Variants in GRID2 observed in about 807,000 individuals in gnomAD.
The protein encoded by GRID2 is glutamate receptor ionotropic, delta-2.
A neutral mutation model predicts 114.8 loss-of-function variants in GRID2; 33 were observed. The ratio of observed to expected loss-of-function variants is 0.29; its 90% confidence interval spans 0.22 to 0.38. The LOEUF is 0.38. Ranked by LOEUF, GRID2 falls within the 10% of genes least tolerant of loss-of-function variation. The pLI, the probability that GRID2 is intolerant of heterozygous loss-of-function variation, is 1.00. For missense variants in GRID2, 1,184 were observed against 1,257.7 expected (o/e 0.94, Z 0.89); for synonymous variants, 505 against 449.9 (o/e 1.12, Z -1.55).
intron 14 of GRID2, among the ~76,000 whole-genome samples, chr4:93,726,592 C>T (rs529454382): frequency 1.2e-4 from 19 of 152,226 alleles, no homozygotes; most frequent in East Asian, 5.8e-4. Flanking sequence ...GCCATTTTCA[C>T]GATATTGATT....
intron 1 of GRID2, among the ~76,000 whole-genome samples, chr4:92,533,243 T>C (rs773268495): frequency 6.6e-6 from 1 of 151,598 alleles, no homozygotes; most frequent in African/African-American, 2.4e-5. Flanking sequence ...GATTTAAATC[T>C]GTATGGGAGC....
intron 14 of GRID2, among the ~76,000 whole-genome samples, chr4:93,743,835 C>T (rs867068685): frequency 6.6e-6 from 1 of 152,100 alleles, no homozygotes; most frequent in Non-Finnish European, 1.5e-5. Context: ...CAATTGCCCT[C>T]TATTGGAGGA....
chr4:92,562,244 A>C (rs1727133434), intron 1 of GRID2, among the ~76,000 whole-genome samples: 1 of 152,186 alleles, frequency 6.6e-6, no homozygotes, highest in Non-Finnish European at 1.5e-5. Flanking sequence ...CATTGCAATA[A>C]AGAACAAAGT....
At chr4:92,333,868 T>C (rs151071517) in intron 1 of GRID2, among the ~76,000 whole-genome samples, 3 of 152,304 alleles carry the variant, frequency 2.0e-5, no homozygotes, top group African/African-American at 7.2e-5. Context: ...TATCTTGGAC[T>C]ACATGCATGT....
At chr4:93,763,431 C>A in intron 14 of GRID2, among the ~76,000 whole-genome samples, 1 of 151,996 alleles carries the variant, frequency 6.6e-6, no homozygotes, top group Non-Finnish European at 1.5e-5. Context: ...CTCTGCATAC[C>A]CAAATTGTAG....
chr4:92,888,798 A>G (rs1746546179), intron 2 of GRID2, among the ~76,000 whole-genome samples: 1 of 151,470 alleles, frequency 6.6e-6, no homozygotes, highest in South Asian at 2.1e-4. Flanking sequence ...TGACAACCAT[A>G]TAGTGATCCA....
In GRID2 at chr4:92,871,957, T is replaced by G. The variant is rs373525791; in HGVS notation, c.245-213038T>G. Among the ~76,000 whole-genome samples the G allele has an allele frequency of 3.3e-5, 5 of 152,216 alleles. No individual in the cohort carries two copies. In the East Asian group the frequency reaches 9.7e-4, roughly 29 times the overall value. ...TATTCAATTAAATGTATAGTGAAATTTGCGTATAAAAAGAAATAAACTCTC... is the reference window on the plus strand; with the variant it reads ...TATTCAATTAAATGTATAGTGAAATGTGCGTATAAAAAGAAATAAACTCTC... On this transcript the variant is annotated intron_variant, in intron 2 of 15. Transcript: ENST00000282020.
chr4:93,628,767 C>CTTT (rs377083909), intron 14 of GRID2, among the ~76,000 whole-genome samples: 76 of 136,948 alleles, frequency 5.5e-4, no homozygotes, highest in Middle Eastern at 3.6e-3. Flanking sequence ...GATTTTCTGG[C>CTTT]TTTTTTTTTT....
chr4:93,070,507 T>C (rs1488757091), intron 2 of GRID2, among the ~76,000 whole-genome samples: 1 of 152,082 alleles, frequency 6.6e-6, no homozygotes, highest in Non-Finnish European at 1.5e-5. Context: ...GTAATAATAA[T>C]GATTGATTCA....
At chr4:93,259,169 A>G (rs966538725) in intron 8 of GRID2, among the ~76,000 whole-genome samples, 3 of 151,868 alleles carry the variant, frequency 2.0e-5, no homozygotes, top group Non-Finnish European at 4.4e-5. Context: ...AAAATGCATG[A>G]TGATAGGACA....
At chr4:92,664,315 C>T (rs533880916) in intron 2 of GRID2, among the ~76,000 whole-genome samples, 1 of 151,096 alleles carries the variant, frequency 6.6e-6, no homozygotes, top group East Asian at 1.9e-4. Context: ...TCTAGTTTCC[C>T]TTATTTCTCT....
At chr4:93,645,947 A>G (rs771471826) in intron 14 of GRID2, among the ~76,000 whole-genome samples, 1 of 152,212 alleles carries the variant, frequency 6.6e-6, no homozygotes, top group Non-Finnish European at 1.5e-5. Flanking sequence ...TGAGGGGGAA[A>G]GAAGACAATC....
chr4:93,514,771 GTTGT>G (rs142525850), intron 12 of GRID2, among the ~76,000 whole-genome samples: 4,459 of 152,232 alleles, frequency 0.029, 107 homozygotes, highest in Non-Finnish European at 0.047. Context: ...CTCAAAGCAT[GTTGT>G]TTATGTAAAT....
At chr4:93,447,005 T>C (rs965060642) in intron 10 of GRID2, among the ~76,000 whole-genome samples, 8 of 151,806 alleles carry the variant, frequency 5.3e-5, no homozygotes, top group African/African-American at 1.9e-4. Flanking sequence ...AAGTAATACC[T>C]AACAAATTAC....
chr4:93,302,706 A>G (rs1382795389), intron 8 of GRID2: 2 of 404,192 alleles, frequency 4.9e-6, no homozygotes, highest in Admixed American at 2.9e-5. Context: ...GAAAGTGGCT[A>G]TTATGCCTGT....
Position 93,444,955 on chromosome 4 carries a change from T to C in GRID2, c.1546-10707T>C, listed in dbSNP as rs529214804. Among the ~76,000 whole-genome samples, 59 of 152,116 alleles carry C rather than the reference T, an allele frequency of 3.9e-4. 2 individuals are homozygous for C. The South Asian group carries it at 0.012, about 31-fold the overall frequency. On this transcript the variant is annotated intron_variant, in intron 10 of 15. Transcript: ENST00000282020. ...TATAAATATCTGTTCTCTCCTTTCT[T>C]AGTAATACAGCTCCTGAATCATAAT...
intron 2 of GRID2, among the ~76,000 whole-genome samples, chr4:93,072,769 GACTAGAT>G: frequency 6.6e-6 from 1 of 151,946 alleles, no homozygotes; most frequent in South Asian, 2.1e-4. Context: ...TCTATTTTAT[GACTAGAT>G]ACTAGTCTAT....
At chr4:92,598,507 A>T (rs1302956583) in intron 2 of GRID2, among the ~76,000 whole-genome samples, 1 of 152,094 alleles carries the variant, frequency 6.6e-6, no homozygotes, top group African/African-American at 2.4e-5. Flanking sequence ...GTAAATCTTA[A>T]ACTTGGTTTC....
chr4:93,469,196 A>C (rs1724566367), intron 11 of GRID2, among the ~76,000 whole-genome samples: 1 of 152,108 alleles, frequency 6.6e-6, no homozygotes, highest in African/African-American at 2.4e-5. Context: ...AGAAAGCAAA[A>C]GTACAGGCAT....
Sources: gnomAD v4.1 joint callset for allele counts (sites outside exome capture counted in the v4.1 genomes callset) on GRCh38, gnomAD v4.1.1 for gene constraint, MANE v1.5 for transcripts, NCBI Gene and HGNC (gene_info 2026-07-23, HGNC 2026-07-21) for gene names.